The following FCHO2 variants were observed in gnomAD, a reference collection of about 807,000 sequenced individuals.
FCHO2 encodes F-BAR domain only protein 2.
Under a neutral mutation model 114.1 loss-of-function variants are expected in FCHO2, and 43 were observed. The observed-to-expected ratio is 0.38, with a 90% CI of 0.30 to 0.49. FCHO2 has a LOEUF of 0.49. FCHO2 is among the 20% of genes least tolerant of loss of function. The pLI is 0.97. For missense variants in FCHO2, 807 were observed against 950.4 expected, an observed-to-expected ratio of 0.85 and a Z score of 1.98; for synonymous variants, 293 against 315.2, an observed-to-expected ratio of 0.93 and a Z score of 0.75.
intron 14 of FCHO2, 66 bp downstream of exon 14, chr5:73,054,237 CT>C: frequency 7.6e-7 from 1 of 1,310,874 alleles, no homozygotes; most frequent in Non-Finnish European, 1.0e-6. Flanking sequence ...GGAAGATTGA[CT>C]TTCAAAATAT....
At chr5:72,997,380 A>G (rs1754176937) in intron 5 of FCHO2, 1 of 1,592,822 alleles carries the variant, frequency 6.3e-7, no homozygotes, top group Middle Eastern at 2.0e-4. Flanking sequence ...ACGAGATACT[A>G]CGGACAGCAC....
At chr5:73,026,499 A>G (rs1741730745) in intron 8 of FCHO2, among the ~76,000 whole-genome samples, 1 of 151,970 alleles carries the variant, frequency 6.6e-6, no homozygotes, top group Admixed American at 6.6e-5. Context: ...ACATAAGTTA[A>G]CCTATTTCTC....
chr5:73,067,200 A>T (rs1378831134), intron 18 of FCHO2, among the ~76,000 whole-genome samples: 1 of 152,024 alleles, frequency 6.6e-6, no homozygotes, highest in South Asian at 2.1e-4. Flanking sequence ...TTGAGAAAAG[A>T]GCTGTTTTTG....
At chr5:73,031,739 G>C (rs1449058862) in intron 8 of FCHO2, among the ~76,000 whole-genome samples, 1 of 152,136 alleles carries the variant, frequency 6.6e-6, no homozygotes, top group African/African-American at 2.4e-5. Flanking sequence ...TGTTCTATGA[G>C]TTTAATTGAA....
At chr5:72,984,585 G>C (rs1301302879) in intron 2 of FCHO2, among the ~76,000 whole-genome samples, 1 of 151,992 alleles carries the variant, frequency 6.6e-6, no homozygotes, top group African/African-American at 2.4e-5. Flanking sequence ...ACATTTTTTA[G>C]TTCTGTGAGT....
At chr5:73,027,369 C>CTT (rs1219325280) in intron 8 of FCHO2, among the ~76,000 whole-genome samples, 1 of 136,810 alleles carries the variant, frequency 7.3e-6, no homozygotes, top group Admixed American at 7.3e-5. Context: ...CTGGCTTGTT[C>CTT]TTTTTTTTTT....
At chr5:72,998,047 G>GA (rs200994175) in intron 5 of FCHO2, among the ~76,000 whole-genome samples, 95 of 145,636 alleles carry the variant, frequency 6.5e-4, no homozygotes, top group Middle Eastern at 3.5e-3. Context: ...GTACAAAACT[G>GA]AAAAAAAAAA....
intron 24 of FCHO2, among the ~76,000 whole-genome samples, chr5:73,083,610 G>A (rs1408765048): frequency 1.3e-5 from 2 of 152,024 alleles, no homozygotes; most frequent in African/African-American, 2.4e-5. Context: ...GCCCCTTGCC[G>A]TCCCGGCACA....
intron 6 of FCHO2, among the ~76,000 whole-genome samples, chr5:73,010,011 A>C (rs1754920339): frequency 6.6e-6 from 1 of 152,188 alleles, no homozygotes; most frequent in Non-Finnish European, 1.5e-5. Context: ...ACAGCTGCAG[A>C]ATAGGTTAAT....
At chr5:73,013,789 C>G (rs1451463981) in intron 6 of FCHO2, among the ~76,000 whole-genome samples, 1 of 152,152 alleles carries the variant, frequency 6.6e-6, no homozygotes, top group Non-Finnish European at 1.5e-5. Flanking sequence ...TGGGTTCAAG[C>G]TATTCTCTGC....
rs116279248 is a variant in FCHO2 at position 73,071,144 on chromosome 5, A to G, written c.1579+2365A>G. Among the ~76,000 whole-genome samples the G allele has an allele frequency of 1.9e-3, 287 of 152,154 alleles. 3 individuals are homozygous for G. The highest frequency in any genetic ancestry group is 6.5e-3 in the African/African-American group (270 of 41,548). On this transcript the variant is annotated intron_variant, in intron 19 of 25. Transcript: ENST00000430046. ...CAGGATCCATTATATCAAATCCCCA[A>G]CTTGCTGAATAGGATCCATTATATC...
At chr5:72,964,653 G>C (rs1437145336) in intron 1 of FCHO2, among the ~76,000 whole-genome samples, 1 of 152,168 alleles carries the variant, frequency 6.6e-6, no homozygotes, top group Non-Finnish European at 1.5e-5. Context: ...CTCCCAAAGT[G>C]CTGGGATTAC....
chr5:72,977,404 G>A (rs866487064), intron 2 of FCHO2, among the ~76,000 whole-genome samples: 5 of 152,054 alleles, frequency 3.3e-5, no homozygotes, highest in South Asian at 2.1e-4. Context: ...TCTTATGTTC[G>A]TTGGCTGCAT....
intron 24 of FCHO2, among the ~76,000 whole-genome samples, chr5:73,086,123 CA>C (rs74750959): frequency 4.2e-4 from 55 of 132,266 alleles, no homozygotes; most frequent in East Asian, 1.3e-3. Context: ...GACTCTGTCT[CA>C]AAAAAAAAAA....
Position 73,081,990 on chromosome 5 carries a change from A to C in FCHO2, c.2180+8A>C. On this transcript the variant is annotated splice_region_variant and intron_variant, in intron 23 of 25. Transcript: ENST00000430046. ...CCTTCCCCCTGCAATATGGTAAATT[A>C]AACATACGTTTCTGAATTCCCACTA... is the stretch of plus-strand genomic sequence containing the variant. 1 of 1,449,702 alleles carries C rather than the reference A, an allele frequency of 6.9e-7. No individual in the cohort carries two copies. Among genetic ancestry groups the C allele is most frequent in the South Asian group, 1.5e-5 (1 of 64,756 alleles). 89.8% of individuals were successfully genotyped at this position (1,449,702 alleles called of 1,614,324 possible). A position where few individuals can be genotyped will look rare whatever the true frequency, so the allele number is the denominator to read the frequency against.
intron 1 of FCHO2, among the ~76,000 whole-genome samples, chr5:72,963,679 G>GAT (rs1411845190): frequency 1.1e-4 from 17 of 151,970 alleles, no homozygotes. Context: ...CTTTGGAGTG[G>GAT]CTAGAACTAC....
intron 1 of FCHO2, among the ~76,000 whole-genome samples, chr5:72,966,233 A>T (rs1477046948): frequency 4.6e-5 from 7 of 152,200 alleles, no homozygotes; most frequent in African/African-American, 1.7e-4. Flanking sequence ...TTTTTAAAAA[A>T]CTGAATGCTA....
chr5:72,958,450 C>G (rs182847551), intron 1 of FCHO2, among the ~76,000 whole-genome samples: 1 of 152,060 alleles, frequency 6.6e-6, no homozygotes, highest in Admixed American at 6.6e-5. Flanking sequence ...CATCTTTCCC[C>G]GTTGAATTGT....
chr5:73,033,955 G>A (rs952210201), intron 8 of FCHO2, among the ~76,000 whole-genome samples: 1 of 152,070 alleles, frequency 6.6e-6, no homozygotes, highest in African/African-American at 2.4e-5. Context: ...TCATAGCAAT[G>A]CTAAATTAAT....
Sources: gnomAD v4.1 joint callset for allele counts (sites outside exome capture counted in the v4.1 genomes callset) on GRCh38, gnomAD v4.1.1 for gene constraint, MANE v1.5 for transcripts, NCBI Gene and HGNC (gene_info 2026-07-23, HGNC 2026-07-21) for gene names.